The following HELLS variants were observed in gnomAD, a reference collection of about 807,000 sequenced individuals.
The protein encoded by HELLS is helicase, lymphoid specific, also known as lymphoid-specific helicase.
In HELLS, 32 loss-of-function variants were observed where a neutral mutation model predicts 120.0. The ratio of observed to expected loss-of-function variants is 0.27; its 90% CI spans 0.20 to 0.36. The LOEUF is 0.36. HELLS is among the 10% of genes least tolerant of loss of function. HELLS has a pLI of 1.00. For missense variants in HELLS, 650 were observed against 993.4 expected (o/e 0.65, Z 4.65); for synonymous variants, 341 against 323.4 (o/e 1.05, Z -0.58).
At position 94,580,183 on chromosome 10, in the gene HELLS, ACAT is replaced by A. The variant is rs1398824089; in HGVS notation, c.1033-1142_1033-1140del. Among the ~76,000 whole-genome samples, 196 of 93,664 alleles carry A rather than the reference ACAT, an allele frequency of 2.1e-3. 6 individuals carry two copies. Among genetic ancestry groups the A allele is most frequent in the African/African-American group, 2.8e-3 (63 of 22,394 alleles). 61.4% of individuals were successfully genotyped at this position (93,664 alleles called of 152,430 possible). A position where few individuals can be genotyped will look rare whatever the true frequency, so the allele number is the denominator to read the frequency against. ...TATATACACACACACACACACACAC[ACAT>A]TTTTTTTTTTTTTTTTTTGAGACAG... On this transcript the variant is annotated intron_variant, in intron 10 of 21. Coordinates refer to ENST00000348459, the MANE Select transcript of HELLS (RefSeq NM_018063.5).
intron 1 of HELLS, 84 bp from the exon 2 acceptor site, chr10:94,546,293 G>A: frequency 6.5e-7 from 1 of 1,547,498 alleles, no homozygotes; most frequent in Non-Finnish European, 8.9e-7. Flanking sequence ...TGCATCTCGG[G>A]TGGGAGAAAG....
intron 6 of HELLS, among the ~76,000 whole-genome samples, chr10:94,565,477 G>T (rs1843744780): frequency 1.3e-5 from 2 of 152,172 alleles, no homozygotes; most frequent in Admixed American, 1.3e-4. Context: ...ATCACCTGAT[G>T]TCAAGAGTTC....
intron 4 of HELLS, 130 bp from the exon 5 acceptor site, chr10:94,562,558 TATA>T (rs1276096223): frequency 1.6e-6 from 1 of 623,646 alleles, no homozygotes; most frequent in Non-Finnish European, 2.9e-6. Flanking sequence ...TGTAGGTAAG[TATA>T]ATAGTGAAAA....
At chr10:94,591,461 GT>G (rs1456276090) in intron 15 of HELLS, among the ~76,000 whole-genome samples, 1 of 152,154 alleles carries the variant, frequency 6.6e-6, no homozygotes, top group Non-Finnish European at 1.5e-5. Context: ...AATCACAGTT[GT>G]TTCAAGGTAG....
At chr10:94,549,693 G>A (rs1309249728) in intron 2 of HELLS, among the ~76,000 whole-genome samples, 1 of 152,148 alleles carries the variant, frequency 6.6e-6, no homozygotes, top group East Asian at 1.9e-4. Context: ...CTGTACTGTA[G>A]TTACCCAGAG....
intron 6 of HELLS, among the ~76,000 whole-genome samples, chr10:94,566,067 A>AT (rs1265891787): frequency 6.6e-6 from 1 of 151,696 alleles, no homozygotes. Flanking sequence ...TGATTTTTGT[A>AT]TTTTTTGTAG....
At chr10:94,556,555 A>T (rs1843273719) in intron 3 of HELLS, among the ~76,000 whole-genome samples, 1 of 152,164 alleles carries the variant, frequency 6.6e-6, no homozygotes, top group African/African-American at 2.4e-5. Flanking sequence ...ATGATAGTGG[A>T]CATACCCACT....
At chr10:94,586,859 A>T (rs531849030) in intron 12 of HELLS, among the ~76,000 whole-genome samples, 2 of 151,648 alleles carry the variant, frequency 1.3e-5, no homozygotes, top group African/African-American at 2.4e-5. Context: ...GCCTGACTAA[A>T]TTTTTTTGTT....
chr10:94,558,013 C>T (rs1355464578), intron 3 of HELLS, 126 bp from the exon 4 acceptor site: 3 of 1,259,144 alleles, frequency 2.4e-6, no homozygotes, highest in African/African-American at 3.1e-5. Context: ...CAAGTTCCTC[C>T]CTGGTTTTTA....
chr10:94,579,518 CAT>C (rs1361234827), intron 10 of HELLS, among the ~76,000 whole-genome samples: 5 of 151,852 alleles, frequency 3.3e-5, no homozygotes, highest in Admixed American at 2.0e-4. Context: ...ATAATTTACA[CAT>C]ATGATCATAC....
At chr10:94,606,565 G>C (rs887569176), downstream of HELLS, among the ~76,000 whole-genome samples, 1 of 151,306 alleles carries the variant, frequency 6.6e-6, no homozygotes, top group African/African-American at 2.4e-5. Flanking sequence ...GCCCAGGCTC[G>C]TCTTGAATTC....
Position 94,574,112 on chromosome 10 carries a change from A to T in HELLS, c.630A>T (p.Val210=). 1 of 1,614,126 alleles carries T rather than the reference A, an allele frequency of 6.2e-7. No homozygotes were observed. The highest frequency in any genetic ancestry group is 8.5e-7 in the Non-Finnish European group (1 of 1,179,992). Residue 210 remains valine (V), a synonymous_variant, in exon 8 of 22, where the codon GTA becomes GTT. Coordinates refer to ENST00000348459, the MANE Select transcript of HELLS (RefSeq NM_018063.5). ...TCCGGAAGTGTAATGGTCAGCCAGT[A>T]CCTTTTCAACAACCAAAGCACTTCA... is the stretch of plus-strand genomic sequence containing the variant. ...DPVRKCNGQP[V]PFQQPKHFTG... is the part of the protein sequence containing the mutation.
At chr10:94,605,641 T>TC (rs1472045793), downstream of HELLS, among the ~76,000 whole-genome samples, 6 of 149,906 alleles carry the variant, frequency 4.0e-5, 1 homozygote, top group East Asian at 1.2e-3. Flanking sequence ...AATTAATGGT[T>TC]CCTTTTTTTT....
chr10:94,573,620 A>T (rs1844291672), intron 7 of HELLS, among the ~76,000 whole-genome samples: 1 of 151,844 alleles, frequency 6.6e-6, no homozygotes, highest in African/African-American at 2.4e-5. Context: ...GTGCAACCAC[A>T]CCCAGCTAAT....
At chr10:94,553,053 A>G (rs1843061891) in intron 2 of HELLS, among the ~76,000 whole-genome samples, 1 of 152,092 alleles carries the variant, frequency 6.6e-6, no homozygotes, top group African/African-American at 2.4e-5. Flanking sequence ...AAAATGTTCT[A>G]TCCAAATCAA....
chr10:94,608,455 C>T (rs1386791089), intron 9 of HELLS, among the ~76,000 whole-genome samples: 1 of 152,110 alleles, frequency 6.6e-6, no homozygotes, highest in Admixed American at 6.6e-5. Flanking sequence ...TTGCTCTTCT[C>T]TAAGGTATTT....
chr10:94,545,808 T>G lies in HELLS; in HGVS notation c.-114T>G, dbSNP rs780999892. ...CCCGCGAAGGAGAAGCGCGCTTTTT[T>G]CCCTGGCGGGGGATTTGGCTAGAAG... On this transcript the variant is annotated 5_prime_UTR_variant, in exon 1 of 22. Coordinates refer to ENST00000348459, the MANE Select transcript of HELLS (RefSeq NM_018063.5). 123 of 1,256,210 alleles carry G rather than the reference T, an allele frequency of 9.8e-5. No individual in the cohort carries two copies. Among genetic ancestry groups the G allele is most frequent in the Non-Finnish European group, 1.3e-4 (116 of 877,562 alleles). 77.8% of individuals were successfully genotyped at this position (1,256,210 alleles called of 1,614,324 possible).
intron 6 of HELLS, among the ~76,000 whole-genome samples, chr10:94,568,116 G>A (rs574720803): frequency 6.6e-6 from 1 of 151,728 alleles, no homozygotes; most frequent in African/African-American, 2.4e-5. Flanking sequence ...CACCATTTTG[G>A]CCTGGATGGT....
intron 21 of HELLS, among the ~76,000 whole-genome samples, chr10:94,599,529 G>T (rs1352084796): frequency 6.6e-6 from 1 of 151,986 alleles, no homozygotes; most frequent in African/African-American, 2.4e-5. Context: ...ATTTTGTTTT[G>T]TGTATTTTGT....
Sources: allele counts gnomAD v4.1 joint callset (sites outside exome capture counted in the v4.1 genomes callset), GRCh38; gene constraint gnomAD v4.1.1; transcripts MANE v1.5; gene names NCBI Gene and HGNC (gene_info 2026-07-23, HGNC 2026-07-21).